SVOPL: variants seen among roughly 807,000 people sequenced by gnomAD.
SVOPL encodes SVOP like, also known as putative transporter SVOPL.
Under a neutral mutation model 61.0 loss-of-function variants are expected in SVOPL, and 60 were observed. The ratio of observed to expected loss-of-function variants is 0.98; its 90% CI spans 0.80 to 1.22. The LOEUF (loss-of-function observed/expected upper bound fraction) is 1.22. SVOPL is among the 50% of genes most tolerant of loss of function. The pLI, the probability that SVOPL is intolerant of heterozygous loss-of-function variation, is 0.00. For synonymous variants in SVOPL, 279 were observed against 250.0 expected, an observed-to-expected ratio of 1.12 and a Z score of -1.09; for missense variants, 662 against 643.9, an observed-to-expected ratio of 1.03 and a Z score of -0.30.
chr7:138,609,399 C>T (rs866619846), intron 14 of SVOPL, among the ~76,000 whole-genome samples: 1 of 150,302 alleles, frequency 6.7e-6, no homozygotes, highest in Non-Finnish European at 1.5e-5. Flanking sequence ...GTAATCCCAG[C>T]ACTTTAGGAG....
chr7:138,669,518 C>T (rs1030157780), intron 4 of SVOPL, among the ~76,000 whole-genome samples: 9 of 152,192 alleles, frequency 5.9e-5, no homozygotes, highest in African/African-American at 4.8e-5. Flanking sequence ...AGAGAAGAGG[C>T]TGGGGGTATC....
Position 138,620,230 on chromosome 7 carries a change from C to T in SVOPL, c.1353+816G>A, listed in dbSNP as rs557485595. On this transcript the variant is annotated intron_variant, in intron 14 of 15. Coordinates refer to ENST00000674285, the MANE Select transcript of SVOPL (RefSeq NM_001139456.2). ...CTGCCTCCCGGGTTCGAGTGATTCTCGTGCCTCAGCCTCCTGAGTAGCTGG... is the reference window on the plus strand; with the variant it reads ...CTGCCTCCCGGGTTCGAGTGATTCTTGTGCCTCAGCCTCCTGAGTAGCTGG... Among the ~76,000 whole-genome samples, 130 of 145,666 alleles carry T rather than the reference C, an allele frequency of 8.9e-4. 1 individual carries two copies. Among genetic ancestry groups the T allele is most frequent in the African/African-American group, 2.9e-3 (113 of 39,286 alleles).
chr7:138,678,446 C>T lies in SVOPL; in HGVS notation c.162G>A (p.Met54Ile). ...GRFHIALFLI[M>I]GSTGVVEAME... ...AAGGAGCACTCACCCCAGTACTGCCCATGATCAGAAAGAGGGCAATGTGGA... is the reference window on the plus strand; with the variant it reads ...AAGGAGCACTCACCCCAGTACTGCCTATGATCAGAAAGAGGGCAATGTGGA... The change falls in exon 3 of 16, where the codon ATG becomes ATA. Residue 54 changes from methionine (M) to isoleucine (I), a missense_variant. Met to Ile is a conservative substitution (Grantham distance 10). Coordinates refer to ENST00000674285, the MANE Select transcript of SVOPL (RefSeq NM_001139456.2). 4.5e-6 allele frequency: 7 copies of T among 1,551,928 alleles called. No individual in the cohort carries two copies. The highest frequency in any genetic ancestry group is 6.1e-6 in the Non-Finnish European group (7 of 1,147,046).
intron 5 of SVOPL, 181 bp downstream of exon 5, chr7:138,662,893 G>A (rs1426092145): frequency 6.9e-7 from 1 of 1,440,266 alleles, no homozygotes; most frequent in African/African-American, 1.4e-5. Flanking sequence ...TGCAGGCACA[G>A]GTACCCTGAG....
intron 14 of SVOPL, among the ~76,000 whole-genome samples, chr7:138,604,201 C>A (rs1418674626): frequency 6.6e-6 from 1 of 151,962 alleles, no homozygotes; most frequent in Non-Finnish European, 1.5e-5. Flanking sequence ...CAGGATGAAG[C>A]AATCCTCCCA....
Position 138,628,199 on chromosome 7 carries a change from T to A in SVOPL, c.1028A>T (p.Asp343Val), listed in dbSNP as rs750533712. 1 of 1,614,084 alleles carries A rather than the reference T, an allele frequency of 6.2e-7. No individual in the cohort carries two copies. Among genetic ancestry groups the A allele is most frequent in the Non-Finnish European group, 8.5e-7 (1 of 1,180,028 alleles). ...GGTGCTGATGATCATGGTCCGATAG[T>A]CAGAGGGTGCAAACATGTGGCAGTA... is the stretch of plus-strand genomic sequence containing the variant. ...PCYCHMFAPS[D>V]YRTMIISTIG... Residue 343 changes from aspartate to valine, a missense_variant, in exon 11 of 16, where the codon GAC (aspartate) becomes GTC (valine). Coordinates refer to ENST00000674285, the MANE Select transcript of SVOPL (RefSeq NM_001139456.2).
At chr7:138,665,115 C>A (rs1178129051) in intron 4 of SVOPL, among the ~76,000 whole-genome samples, 1 of 36,056 alleles carries the variant, frequency 2.8e-5, no homozygotes, top group Non-Finnish European at 5.2e-5. Context: ...CCCCCGCCCC[C>A]ACTCGCCACC....
chr7:138,700,140 T>C (rs186944129), intron 1 of SVOPL, among the ~76,000 whole-genome samples: 7 of 152,180 alleles, frequency 4.6e-5, no homozygotes, highest in African/African-American at 1.7e-4. Context: ...CAAAGTTAGT[T>C]AGCATATATA....
chr7:138,680,529 G>A (rs1249157207), intron 1 of SVOPL, among the ~76,000 whole-genome samples: 3 of 151,832 alleles, frequency 2.0e-5, no homozygotes, highest in Non-Finnish European at 4.4e-5. Context: ...ACTAAGACAA[G>A]TAAAGATGGG....
intron 4 of SVOPL, among the ~76,000 whole-genome samples, chr7:138,666,909 C>T (rs985782443): frequency 1.3e-5 from 2 of 152,166 alleles, no homozygotes; most frequent in African/African-American, 2.4e-5. Flanking sequence ...CTGTCCTTCT[C>T]CTCTTCCAAG....
intron 1 of SVOPL, among the ~76,000 whole-genome samples, chr7:138,691,036 A>G (rs1802928516): frequency 6.6e-6 from 1 of 152,194 alleles, no homozygotes; most frequent in Non-Finnish European, 1.5e-5. Flanking sequence ...TGGCCTCCCA[A>G]AGTGCTGGGC....
intron 6 of SVOPL, 78 bp downstream of exon 6, chr7:138,659,786 A>G (rs1801918824): frequency 1.4e-6 from 2 of 1,392,866 alleles, no homozygotes. Flanking sequence ...CTTTTGGTCT[A>G]TTAAGCGCAG....
At chr7:138,686,384 T>G (rs1584869050) in intron 1 of SVOPL, among the ~76,000 whole-genome samples, 1 of 118,588 alleles carries the variant, frequency 8.4e-6, no homozygotes, top group Admixed American at 1.1e-4. Flanking sequence ...CCAGCCTGGG[T>G]GAAAGAGTGA....
intron 12 of SVOPL, 83 bp from the exon 13 acceptor site, chr7:138,626,133 A>G (rs1470592997): frequency 1.5e-6 from 2 of 1,295,294 alleles, no homozygotes; most frequent in Non-Finnish European, 2.2e-6. Flanking sequence ...TGCACTGTGG[A>G]TGCTGAGATA....
chr7:138,664,249 G>A (rs996959478), intron 4 of SVOPL: 9 of 972,150 alleles, frequency 9.3e-6, no homozygotes, highest in African/African-American at 5.7e-5. Context: ...CCCACCTAGC[G>A]CGCGCCTAAC....
At chr7:138,690,812 GC>G (rs1802923821) in intron 1 of SVOPL, among the ~76,000 whole-genome samples, 1 of 150,854 alleles carries the variant, frequency 6.6e-6, no homozygotes, top group Non-Finnish European at 1.5e-5. Flanking sequence ...TCACTCTGTT[GC>G]CCAGGCTGGA....
chr7:138,628,415 G>C (rs989096679), intron 10 of SVOPL, 52 bp from the exon 11 acceptor site: 3 of 1,576,938 alleles, frequency 1.9e-6, no homozygotes, highest in Non-Finnish European at 2.6e-6. Flanking sequence ...AGACCTGAAG[G>C]ATGAGTGGGG....
chr7:138,626,111 C>T lies in SVOPL; in HGVS notation c.1182-61G>A, dbSNP rs552590572. ...CAGCATGGAGGACCACCTCCAGTGG[C>T]CCAGCTTCGAGTGCACTGTGGATGC... On this transcript the variant is annotated intron_variant, in intron 12 of 15. Coordinates refer to ENST00000674285, the MANE Select transcript of SVOPL (RefSeq NM_001139456.2). 131 of 1,521,992 alleles carry T rather than the reference C, an allele frequency of 8.6e-5. No individual in the cohort carries two copies. In the East Asian group the frequency reaches 2.0e-3, roughly 23 times the overall value. The allele number at this position is 1,521,992 out of a possible 1,614,324, so 94.3% of individuals were successfully genotyped here. A position where few individuals can be genotyped will look rare whatever the true frequency, so the allele number is the denominator to read the frequency against.
At chr7:138,612,249 C>G (rs1287788520) in intron 14 of SVOPL, among the ~76,000 whole-genome samples, 1 of 36,626 alleles carries the variant, frequency 2.7e-5, no homozygotes, top group African/African-American at 6.9e-5. Flanking sequence ...ATCAGGGACA[C>G]AAACACTGCG....
Sources: gnomAD v4.1 joint callset for allele counts (sites outside exome capture counted in the v4.1 genomes callset) on GRCh38, gnomAD v4.1.1 for gene constraint, MANE v1.5 for transcripts, NCBI Gene and HGNC (gene_info 2026-07-23, HGNC 2026-07-21) for gene names.